The following ADGB variants were observed in gnomAD, a reference collection of about 807,000 sequenced individuals.
The protein encoded by ADGB is calpain-7-like protein.
A neutral mutation model predicts 210.5 loss-of-function variants in ADGB; 172 were observed. The observed-to-expected ratio is 0.82, with a 90% CI of 0.72 to 0.93. The LOEUF (loss-of-function observed/expected upper bound fraction) is 0.93, where lower values mean the gene tolerates loss of function less well. Ranked by LOEUF, ADGB falls within the 40% of genes least tolerant of loss-of-function variation. The pLI is 0.00. For missense variants in ADGB, 2,025 were observed against 1,964.8 expected (o/e 1.03, Z -0.58); for synonymous variants, 658 against 662.7 (o/e 0.99, Z 0.11).
At chr6:146,787,351 C>T (rs1371804331) in intron 32 of ADGB, among the ~76,000 whole-genome samples, 1 of 152,180 alleles carries the variant, frequency 6.6e-6, no homozygotes, top group Non-Finnish European at 1.5e-5. Context: ...TAGTTGACCC[C>T]CATCACCATC....
At chr6:146,699,487 G>C (rs1441380238) in intron 12 of ADGB, among the ~76,000 whole-genome samples, 2 of 152,114 alleles carry the variant, frequency 1.3e-5, no homozygotes, top group African/African-American at 4.8e-5. Context: ...CTTCTGCCCA[G>C]GCAGAAGATG....
chr6:146,752,999 CT>C (rs201064710), intron 27 of ADGB, among the ~76,000 whole-genome samples: 3,422 of 151,980 alleles, frequency 0.023, 62 homozygotes, highest in Non-Finnish European at 0.036. Flanking sequence ...AATATTTTTA[CT>C]TTTTTAAATT....
intron 33 of ADGB, among the ~76,000 whole-genome samples, chr6:146,796,612 G>T (rs1778046951): frequency 6.6e-6 from 1 of 152,120 alleles, no homozygotes; most frequent in African/African-American, 2.4e-5. Flanking sequence ...AGAAAGTGGG[G>T]AAAGGACACA....
intron 9 of ADGB, among the ~76,000 whole-genome samples, chr6:146,677,933 T>C (rs1201439615): frequency 2.6e-5 from 4 of 152,224 alleles, no homozygotes; most frequent in Non-Finnish European, 5.9e-5. Context: ...CATTTTAGCA[T>C]ATTTATTGCA....
chr6:146,760,993 A>G (rs910293303), intron 27 of ADGB, among the ~76,000 whole-genome samples: 1 of 151,892 alleles, frequency 6.6e-6, no homozygotes, highest in Non-Finnish European at 1.5e-5. Context: ...TATCTTCTGG[A>G]TACAAGTTCT....
At chr6:146,615,021 C>T (rs1228114831) in intron 1 of ADGB, among the ~76,000 whole-genome samples, 1 of 151,844 alleles carries the variant, frequency 6.6e-6, no homozygotes, top group Non-Finnish European at 1.5e-5. Context: ...TTGCCTCAGC[C>T]TCCCGAGTAG....
chr6:146,636,761 C>G (rs1012696380), intron 2 of ADGB, among the ~76,000 whole-genome samples: 2 of 151,896 alleles, frequency 1.3e-5, no homozygotes. Flanking sequence ...AGTGTCCAAG[C>G]CTTGTGATCG....
intron 6 of ADGB, among the ~76,000 whole-genome samples, chr6:146,665,560 G>A (rs1251801909): frequency 1.3e-5 from 2 of 152,128 alleles, no homozygotes; most frequent in Non-Finnish European, 2.9e-5. Flanking sequence ...AGAGCTGCTA[G>A]AGCAGTGAGG....
intron 9 of ADGB, among the ~76,000 whole-genome samples, chr6:146,685,111 C>T (rs1776206811): frequency 6.6e-6 from 1 of 151,674 alleles, no homozygotes; most frequent in Non-Finnish European, 1.5e-5. Context: ...ATTTATTTGT[C>T]CAAAATATTT....
intron 2 of ADGB, among the ~76,000 whole-genome samples, chr6:146,636,396 G>A (rs763443649): frequency 1.3e-5 from 2 of 151,932 alleles, no homozygotes; most frequent in Non-Finnish European, 2.9e-5. Flanking sequence ...CAAAAGGTAC[G>A]CAATAAAGGT....
At chr6:146,799,934 C>T (rs112360744) in intron 33 of ADGB, among the ~76,000 whole-genome samples, 9 of 151,928 alleles carry the variant, frequency 5.9e-5, no homozygotes, top group African/African-American at 2.2e-4. Context: ...CTCAGCCTCC[C>T]GAGTAGCTGG....
intron 23 of ADGB, among the ~76,000 whole-genome samples, chr6:146,737,034 A>T (rs1777088766): frequency 6.6e-6 from 1 of 152,072 alleles, no homozygotes; most frequent in Non-Finnish European, 1.5e-5. Flanking sequence ...CCTGAAAAAA[A>T]CAGAAAAAAA....
intron 27 of ADGB, among the ~76,000 whole-genome samples, chr6:146,754,781 T>C (rs916985705): frequency 4.6e-5 from 7 of 152,034 alleles, no homozygotes; most frequent in Admixed American, 4.6e-4. Flanking sequence ...TTTTCCAGTT[T>C]CCTGATTCAA....
intron 1 of ADGB, among the ~76,000 whole-genome samples, chr6:146,633,321 T>C (rs1781091638): frequency 6.6e-6 from 1 of 152,110 alleles, no homozygotes; most frequent in Admixed American, 6.6e-5. Context: ...TCTCCCTTCT[T>C]CCTTTGGTCT....
At chr6:146,649,392 A>T (rs1775666518) in intron 3 of ADGB, among the ~76,000 whole-genome samples, 5 of 152,110 alleles carry the variant, frequency 3.3e-5, no homozygotes, top group Admixed American at 3.3e-4. Context: ...CCAAACTCTG[A>T]CACCTTAAAA....
intron 10 of ADGB, among the ~76,000 whole-genome samples, chr6:146,687,607 A>G (rs1296107370): frequency 6.6e-6 from 1 of 152,006 alleles, no homozygotes; most frequent in African/African-American, 2.4e-5. Flanking sequence ...GAACACATGG[A>G]CACAGAGAGG....
intron 3 of ADGB, among the ~76,000 whole-genome samples, chr6:146,647,042 T>C (rs1224157825): frequency 4.0e-5 from 6 of 149,214 alleles, no homozygotes; most frequent in Non-Finnish European, 7.4e-5. Context: ...TGAGCCAAGA[T>C]TGCGCCACTG....
chr6:146,815,136 G>A lies in ADGB; in HGVS notation c.4923G>A (p.Gln1641=). The A allele has an allele frequency of 6.5e-7, 1 of 1,547,120 alleles. No homozygotes were observed. The highest frequency in any genetic ancestry group is 8.7e-7 in the Non-Finnish European group (1 of 1,145,722). Residue 1641 remains glutamine, a synonymous_variant, in exon 36 of 36, where the codon CAG becomes CAA. Coordinates refer to ENST00000397944, the MANE Select transcript of ADGB (RefSeq NM_024694.4). ...TAAAGCTGGAAACTCTGGCTGCTCA[G>A]GAAGCAGCCATGAAGCTGGAGACAG... The part of the protein sequence containing the change: ...EHLKLETLAA[Q]EAAMKLETEK...
At chr6:146,628,900 A>G (rs1781019475) in intron 1 of ADGB, among the ~76,000 whole-genome samples, 1 of 152,116 alleles carries the variant, frequency 6.6e-6, no homozygotes, top group East Asian at 1.9e-4. Flanking sequence ...AAGATTTAGG[A>G]ACTGGCAATA....
Sources: gnomAD v4.1 joint callset for allele counts (sites outside exome capture counted in the v4.1 genomes callset) on GRCh38, gnomAD v4.1.1 for gene constraint, MANE v1.5 for transcripts, NCBI Gene and HGNC (gene_info 2026-07-23, HGNC 2026-07-21) for gene names.